The following CMIP variants were observed in gnomAD, a reference collection of about 807,000 sequenced individuals.
CMIP encodes c-Maf inducing protein.
CMIP carries 13 observed loss-of-function variants against 97.3 expected under a neutral mutation model. The observed-to-expected ratio is 0.13, with a 90% CI of 0.09 to 0.21. CMIP has a LOEUF of 0.21. CMIP is among the 10% of genes least tolerant of loss of function. The pLI, the probability that CMIP is intolerant of heterozygous loss-of-function variation, is 1.00. For synonymous variants in CMIP, 538 were observed against 436.3 expected, an observed-to-expected ratio of 1.23 and a Z score of -2.91; for missense variants, 847 against 1,024.9, an observed-to-expected ratio of 0.83 and a Z score of 2.37.
chr16:81,489,997 T>C (rs1217641442), intron 1 of CMIP, among the ~76,000 whole-genome samples: 1 of 152,206 alleles, frequency 6.6e-6, no homozygotes, highest in Non-Finnish European at 1.5e-5. Context: ...TACCAGCCTT[T>C]GGACTGGTGC....
rs1326286805 is a variant in CMIP, at chr16:81,607,603, G to A, written c.337G>A (p.Ala113Thr). 9 of 1,613,860 alleles carry A rather than the reference G, an allele frequency of 5.6e-6. No individual in the cohort carries two copies. The highest frequency in any genetic ancestry group is 3.3e-5 in the Admixed American group (2 of 60,008). Residue 113 changes from alanine (A) to threonine (T), a missense_variant, in exon 2 of 21, where the codon GCA becomes ACA. Coordinates refer to ENST00000537098, the MANE Select transcript of CMIP (RefSeq NM_198390.3). ...CATGGAAAACTCAGTCTCCTACAGC[G>A]CAATTGAAGACGTTCAGCTGCTGTC... ...GYMENSVSYSAIEDVQLLSWE... is the reference protein window; with the variant it reads ...GYMENSVSYSTIEDVQLLSWE...
chr16:81,693,549 C>T (rs1332790298), intron 13 of CMIP, 62 bp downstream of exon 13: 1 of 1,530,434 alleles, frequency 6.5e-7, no homozygotes. Flanking sequence ...GCACGAGGGC[C>T]CCTTAGAGGC....
intron 1 of CMIP, among the ~76,000 whole-genome samples, chr16:81,502,535 A>G (rs2089632063): frequency 6.6e-6 from 1 of 152,074 alleles, no homozygotes. Context: ...TCAGCGATCC[A>G]TGGGCCTGTC....
intron 3 of CMIP, chr16:81,645,650 C>G (rs1477493692): frequency 1.3e-6 from 2 of 1,527,070 alleles, no homozygotes; most frequent in African/African-American, 1.4e-5. Context: ...GCTGGAGTGG[C>G]TGACTCTGCC....
At position 81,627,267 on chromosome 16, in the gene CMIP, GTA is replaced by G. The variant is rs548881413; in HGVS notation, c.477+6343_477+6344del. Among the ~76,000 whole-genome samples the G allele has an allele frequency of 7.9e-5, 12 of 152,072 alleles. 1 individual carries two copies. The South Asian group carries it at 1.9e-3, about 24-fold the overall frequency. On this transcript the variant is annotated intron_variant, in intron 3 of 20. Coordinates refer to ENST00000537098, the MANE Select transcript of CMIP (RefSeq NM_198390.3). The surrounding 1 kb of genome is among the most constrained non-coding windows in gnomAD (Gnocchi z 4.6). ...TGTGTGGCCTGTGGGGATACTATGA[GTA>G]TGCTGGTTTGGAGTGTGTTTCTTTG...
In CMIP at chr16:81,705,507, C is replaced by T. The variant is rs368118812; in HGVS notation, c.2100C>T (p.Asp700=). 159 of 1,601,922 alleles carry T rather than the reference C, an allele frequency of 9.9e-5. 1 individual carries two copies. The highest frequency in any genetic ancestry group is 6.3e-4 in the East Asian group (28 of 44,356). ...QLNLWSTQFG[D]AGLRLLSEHL... ...GTTTCTGTGCTCTACAGTTTGGAGA[C>T]GCTGGCCTTCGGCTCCTGTCGGAAC... The change falls in exon 19 of 21, where the codon GAC becomes GAT. Residue 700 remains aspartate, a synonymous_variant. Transcript: ENST00000537098.
chr16:81,527,695 A>G (rs1231915254), intron 1 of CMIP, among the ~76,000 whole-genome samples: 1 of 152,166 alleles, frequency 6.6e-6, no homozygotes, highest in East Asian at 1.9e-4. Flanking sequence ...AAGCAAATCA[A>G]TGCGTGTTCT....
chr16:81,494,682 C>T (rs968129501), intron 1 of CMIP, among the ~76,000 whole-genome samples: 5 of 152,186 alleles, frequency 3.3e-5, no homozygotes. Context: ...GACATGGTAG[C>T]TGGGTTCAAA....
intron 1 of CMIP, among the ~76,000 whole-genome samples, chr16:81,452,546 G>A (rs571197890): frequency 6.6e-5 from 10 of 152,072 alleles, no homozygotes; most frequent in Non-Finnish European, 1.3e-4. Context: ...AAGCAGGGTG[G>A]GGCGAGTGGT....
intron 4 of CMIP, among the ~76,000 whole-genome samples, chr16:81,656,633 C>G (rs889871983): frequency 1.3e-5 from 2 of 152,184 alleles, no homozygotes. Flanking sequence ...CTGAAATGCT[C>G]CAAAGTCCAA....
chr16:81,681,303 G>A (rs1330038624), intron 10 of CMIP, among the ~76,000 whole-genome samples: 2 of 152,192 alleles, frequency 1.3e-5, no homozygotes, highest in East Asian at 3.8e-4. Flanking sequence ...GCTTCAAACT[G>A]GTTGGACCCA....
chr16:81,622,650 A>G (rs1004276988), intron 3 of CMIP, among the ~76,000 whole-genome samples: 9 of 152,152 alleles, frequency 5.9e-5, no homozygotes, highest in Admixed American at 2.0e-4. Context: ...AGGTTGGGGG[A>G]AAAATGCCTT....
chr16:81,578,810 C>T (rs2091246275), intron 1 of CMIP, among the ~76,000 whole-genome samples: 1 of 152,224 alleles, frequency 6.6e-6, no homozygotes, highest in African/African-American at 2.4e-5. Flanking sequence ...AGTTCCATGG[C>T]AGATAAGCCC....
intron 2 of CMIP, chr16:81,611,432 GC>G (rs2091830266): frequency 6.6e-6 from 1 of 152,364 alleles, no homozygotes; most frequent in African/African-American, 2.4e-5. Flanking sequence ...GAATGGCGGG[GC>G]CCAAAGAGGG....
At chr16:81,650,050 C>G (rs2092409260) in intron 3 of CMIP, among the ~76,000 whole-genome samples, 1 of 152,224 alleles carries the variant, frequency 6.6e-6, no homozygotes, top group Non-Finnish European at 1.5e-5. Context: ...GGTTATGGTT[C>G]CAGAGACGCC....
At chr16:81,500,272 G>GTCCGTCCTTCCT (rs1567546095) in intron 1 of CMIP, among the ~76,000 whole-genome samples, 782 of 64,764 alleles carry the variant, frequency 0.012, 18 homozygotes, top group Non-Finnish European at 0.018. Context: ...CCTTCCTTCC[G>GTCCGTCCTTCCT]TCCTTCCTTC....
intron 1 of CMIP, among the ~76,000 whole-genome samples, chr16:81,556,114 G>A (rs190325441): frequency 2.8e-4 from 42 of 152,262 alleles, no homozygotes; most frequent in Middle Eastern, 6.8e-3. Flanking sequence ...CAGAGTTTCT[G>A]AGTCCTGGGA....
intron 1 of CMIP, among the ~76,000 whole-genome samples, chr16:81,580,788 C>G (rs2091283500): frequency 6.6e-6 from 1 of 152,042 alleles, no homozygotes. Context: ...CAGAGCGAGA[C>G]TCTGTCTCAA....
At chr16:81,505,757 A>G (rs1464170819) in intron 1 of CMIP, among the ~76,000 whole-genome samples, 2 of 152,064 alleles carry the variant, frequency 1.3e-5, no homozygotes, top group Non-Finnish European at 2.9e-5. Flanking sequence ...TTGGGAGGCC[A>G]AGGCAGGTGG....
Sources: allele counts gnomAD v4.1 joint callset (sites outside exome capture counted in the v4.1 genomes callset), GRCh38; gene constraint gnomAD v4.1.1; non-coding constraint Gnocchi (gnomAD v3.1); transcripts MANE v1.5; gene names NCBI Gene and HGNC (gene_info 2026-07-23, HGNC 2026-07-21).